Variants in KIAA0825 observed in about 807,000 individuals in gnomAD.
KIAA0825 encodes KIAA0825.
In KIAA0825, 119 loss-of-function variants were observed where a neutral mutation model predicts 147.6. The observed-to-expected ratio is 0.81, with a 90% CI of 0.69 to 0.94. KIAA0825 has a LOEUF of 0.94. KIAA0825 is among the 40% of genes least tolerant of loss of function. The pLI, the probability that KIAA0825 is intolerant of heterozygous loss-of-function variation, is 0.00. For missense variants in KIAA0825, 1,381 were observed against 1,472.7 expected, an observed-to-expected ratio of 0.94 and a Z score of 1.02; for synonymous variants, 470 against 518.1, an observed-to-expected ratio of 0.91 and a Z score of 1.26.
At chr5:94,603,753 A>T (rs1044892287) in intron 1 of KIAA0825, among the ~76,000 whole-genome samples, 3 of 152,240 alleles carry the variant, frequency 2.0e-5, no homozygotes, top group African/African-American at 7.2e-5. Flanking sequence ...AATGGAAAAC[A>T]GAAAAAAGCA....
chr5:94,278,351 T>C (rs1777310581), intron 20 of KIAA0825, among the ~76,000 whole-genome samples: 1 of 152,158 alleles, frequency 6.6e-6, no homozygotes, highest in South Asian at 2.1e-4. Context: ...GAAATAAGTA[T>C]ATTAAGGCAT....
chr5:94,210,726 A>T (rs1323292511), intron 20 of KIAA0825, among the ~76,000 whole-genome samples: 3 of 152,192 alleles, frequency 2.0e-5, no homozygotes, highest in Non-Finnish European at 4.4e-5. Context: ...AGAGCAAAAG[A>T]TACAATGGCA....
intron 20 of KIAA0825, among the ~76,000 whole-genome samples, chr5:94,313,507 G>A (rs1442146997): frequency 1.3e-5 from 2 of 151,652 alleles, no homozygotes; most frequent in East Asian, 3.9e-4. Context: ...TTATACAAAT[G>A]GATTAAGTAT....
chr5:94,548,277 C>T (rs1236368980), intron 2 of KIAA0825, among the ~76,000 whole-genome samples: 2 of 152,050 alleles, frequency 1.3e-5, no homozygotes, highest in Non-Finnish European at 2.9e-5. Flanking sequence ...AGCTGATGAA[C>T]TAAGTTTTTA....
intron 20 of KIAA0825, among the ~76,000 whole-genome samples, chr5:94,311,929 A>C (rs1327311939): frequency 3.3e-5 from 5 of 151,620 alleles, no homozygotes; most frequent in Admixed American, 3.3e-4. Context: ...TTAGCTAGCA[A>C]GACCACACAA....
chr5:94,494,602 G>C (rs1764139779), intron 5 of KIAA0825, among the ~76,000 whole-genome samples: 1 of 151,974 alleles, frequency 6.6e-6, no homozygotes, highest in Non-Finnish European at 1.5e-5. Context: ...GTGATAAAAT[G>C]GGTTTTAAAT....
At chr5:94,562,695 C>T (rs1357475223) in intron 2 of KIAA0825, among the ~76,000 whole-genome samples, 2 of 152,138 alleles carry the variant, frequency 1.3e-5, no homozygotes, top group African/African-American at 4.8e-5. Flanking sequence ...CTAAACCTGC[C>T]AGGAGTTTGA....
Position 94,391,583 on chromosome 5 carries a change from A to G in KIAA0825, c.3408T>C (p.Gly1136=). 6.4e-7 allele frequency: 1 copy of G among 1,551,610 alleles called. No homozygotes were observed. Among genetic ancestry groups the G allele is most frequent in the Non-Finnish European group, 8.7e-7 (1 of 1,146,942 alleles). ...AAATTTGCCTCAGGTACTCCCTGCCACCTGGTTTGTGGCAGAGATCCAGGA... is the reference window on the plus strand; with the variant it reads ...AAATTTGCCTCAGGTACTCCCTGCCGCCTGGTTTGTGGCAGAGATCCAGGA... ...TMVLDLCHKP[G]GREYLRQIYH... The change falls in exon 18 of 21, where the codon GGT becomes GGC. Residue 1136 remains glycine (G), a synonymous_variant. Transcript: ENST00000682413.
rs113376063 is a variant in KIAA0825, at chr5:94,521,059, T to G, written c.301-142A>C. 5.5e-4 allele frequency: 434 copies of G among 783,864 alleles called. No individual in the cohort carries two copies. The African/African-American group carries it at 6.7e-3, about 12-fold the overall frequency. The allele number at this position is 783,864 out of a possible 1,614,324, so 48.6% of individuals were successfully genotyped here. A position where few individuals can be genotyped will look rare whatever the true frequency, so the allele number is the denominator to read the frequency against. ...GATTTTATTTTTTTGCATTTGAAAT[T>G]TAATCAATTCAGATGTTTTAGAATG... is the stretch of plus-strand genomic sequence containing the variant. On this transcript the variant is annotated intron_variant, in intron 4 of 20. Transcript: ENST00000682413.
chr5:94,192,089 T>G (rs1770721924), intron 20 of KIAA0825, among the ~76,000 whole-genome samples: 1 of 152,280 alleles, frequency 6.6e-6, no homozygotes, highest in Non-Finnish European at 1.5e-5. Flanking sequence ...TCTAACTCTA[T>G]GCAACTCTTC....
intron 2 of KIAA0825, among the ~76,000 whole-genome samples, chr5:94,558,694 CT>C (rs1277075958): frequency 3.2e-4 from 49 of 152,264 alleles, no homozygotes; most frequent in African/African-American, 1.0e-3. Flanking sequence ...GTTTGGAGTA[CT>C]CTGGCACTTG....
chr5:94,446,731 T>A (rs1757775888), intron 13 of KIAA0825, among the ~76,000 whole-genome samples: 1 of 152,178 alleles, frequency 6.6e-6, no homozygotes, highest in African/African-American at 2.4e-5. Flanking sequence ...TAACGGTGAA[T>A]TCATGGAAGG....
intron 20 of KIAA0825, among the ~76,000 whole-genome samples, chr5:94,349,586 C>G (rs1444439347): frequency 6.6e-6 from 1 of 152,158 alleles, no homozygotes; most frequent in Non-Finnish European, 1.5e-5. Context: ...CAAGTACTCT[C>G]TTAGACCACA....
intron 2 of KIAA0825, among the ~76,000 whole-genome samples, chr5:94,555,866 G>T (rs957445956): frequency 6.6e-6 from 1 of 152,036 alleles, no homozygotes; most frequent in Non-Finnish European, 1.5e-5. Flanking sequence ...GTTGAGATTA[G>T]ACCTAAATAA....
chr5:94,512,364 A>G (rs1381468515), intron 5 of KIAA0825, among the ~76,000 whole-genome samples: 3 of 152,162 alleles, frequency 2.0e-5, no homozygotes, highest in African/African-American at 4.8e-5. Context: ...AGCCCATTGG[A>G]AAAATGACTA....
intron 20 of KIAA0825, among the ~76,000 whole-genome samples, chr5:94,210,371 A>G (rs1396626798): frequency 1.3e-5 from 2 of 152,188 alleles, no homozygotes; most frequent in Non-Finnish European, 2.9e-5. Context: ...CTTATAACAT[A>G]ATGATGCTGC....
chr5:94,584,173 T>A (rs1041972267), intron 1 of KIAA0825, among the ~76,000 whole-genome samples: 10 of 152,082 alleles, frequency 6.6e-5, no homozygotes, highest in African/African-American at 2.2e-4. Flanking sequence ...GGAACAAAAC[T>A]GGATGGAGAA....
chr5:94,557,891 G>A lies in KIAA0825; in HGVS notation c.-1-20764C>T, dbSNP rs150300509. Among the ~76,000 whole-genome samples the A allele has an allele frequency of 1.4e-4, 21 of 152,104 alleles. No homozygotes were observed. In the East Asian group the frequency reaches 2.3e-3, roughly 17 times the overall value. On this transcript the variant is annotated intron_variant, in intron 2 of 20. Coordinates refer to ENST00000682413, the MANE Select transcript of KIAA0825 (RefSeq NM_001145678.3). ...TATGGCTCGAGCGGTGCTTTTGCTC[G>A]CTGTCCACTACTGCCTTTGCTGCCA...
At chr5:94,263,823 G>A (rs1776615965) in intron 20 of KIAA0825, among the ~76,000 whole-genome samples, 1 of 152,084 alleles carries the variant, frequency 6.6e-6, no homozygotes, top group Non-Finnish European at 1.5e-5. Context: ...TTCCAGGCCT[G>A]CAGCATCTCC....
Sources: allele counts gnomAD v4.1 joint callset (sites outside exome capture counted in the v4.1 genomes callset), GRCh38; gene constraint gnomAD v4.1.1; transcripts MANE v1.5; gene names NCBI Gene and HGNC (gene_info 2026-07-23, HGNC 2026-07-21).